ANP32A: variants seen among roughly 807,000 people sequenced by gnomAD.
ANP32A encodes acidic nuclear phosphoprotein 32 family member A.
In ANP32A, 1 loss-of-function variant was observed where a neutral mutation model predicts 33.9. The ratio of observed to expected loss-of-function variants is 0.03; its 90% CI spans 0.01 to 0.14. The LOEUF (loss-of-function observed/expected upper bound fraction) is 0.14. Ranked by LOEUF, ANP32A falls within the 10% of genes least tolerant of loss-of-function variation. The pLI is 1.00. For synonymous variants in ANP32A, 115 were observed against 120.5 expected (o/e 0.95, Z 0.30); for missense variants, 155 against 306.0 (o/e 0.51, Z 3.68).
chr15:68,805,214 A>G (rs554477663), intron 1 of ANP32A, among the ~76,000 whole-genome samples: 2 of 152,336 alleles, frequency 1.3e-5, no homozygotes, highest in East Asian at 3.9e-4. Context: ...GGGGTCCTCC[A>G]GGAAACACTG....
chr15:68,797,654 G>A (rs911961372), intron 1 of ANP32A, among the ~76,000 whole-genome samples: 4 of 152,168 alleles, frequency 2.6e-5, no homozygotes, highest in Non-Finnish European at 4.4e-5. Flanking sequence ...TCCCTGATGT[G>A]CAGCAAAAAT....
At chr15:68,788,174 C>T (rs1473846608) in intron 1 of ANP32A, among the ~76,000 whole-genome samples, 4 of 152,194 alleles carry the variant, frequency 2.6e-5, no homozygotes, top group South Asian at 2.1e-4. Context: ...CAGGGGGCCA[C>T]TCCAGACAGG....
At chr15:68,792,847 T>A (rs1294109698) in intron 1 of ANP32A, among the ~76,000 whole-genome samples, 1 of 152,212 alleles carries the variant, frequency 6.6e-6, no homozygotes, top group East Asian at 1.9e-4. Flanking sequence ...AGAAAGGGGA[T>A]GATGAGATCT....
At chr15:68,797,355 A>G (rs1022394261) in intron 1 of ANP32A, among the ~76,000 whole-genome samples, 13 of 152,102 alleles carry the variant, frequency 8.5e-5, no homozygotes, top group Non-Finnish European at 1.9e-4. Context: ...CACAAACCAC[A>G]GCCGTTCTTG....
At chr15:68,809,645 T>C (rs1894286126) in intron 1 of ANP32A, among the ~76,000 whole-genome samples, 1 of 152,100 alleles carries the variant, frequency 6.6e-6, no homozygotes, top group Non-Finnish European at 1.5e-5. Context: ...GAAGTGTGCA[T>C]CACCCACCCA....
intron 1 of ANP32A, among the ~76,000 whole-genome samples, chr15:68,805,048 C>T (rs946502571): frequency 2.0e-5 from 3 of 152,200 alleles, no homozygotes; most frequent in Admixed American, 6.5e-5. Context: ...TCTGATTTAA[C>T]TGTGGGCTTC....
rs1174301230 is a variant in ANP32A, at chr15:68,787,674, C to T, written c.204+96G>A. 35 of 1,593,054 alleles carry T rather than the reference C, an allele frequency of 2.2e-5. No homozygotes were observed. In the East Asian group the frequency reaches 3.1e-4, roughly 14 times the overall value. On this transcript the variant is annotated intron_variant, in intron 2 of 6. Coordinates refer to ENST00000465139, the MANE Select transcript of ANP32A (RefSeq NM_006305.4). ...TGTCTGGCATGTTGGTGCAAGCACC[C>T]GGCTTTCCCTTCAATTACTCTTTCT...
intron 1 of ANP32A, among the ~76,000 whole-genome samples, chr15:68,796,633 G>A (rs1256436067): frequency 6.6e-6 from 1 of 152,216 alleles, no homozygotes; most frequent in Non-Finnish European, 1.5e-5. Flanking sequence ...GTCCCAGCAG[G>A]TGGTGTGTGA....
chr15:68,818,269 C>A, intron 1 of ANP32A: 1 of 274,302 alleles, frequency 3.6e-6, no homozygotes, highest in Non-Finnish European at 7.7e-6. Flanking sequence ...ATTTCGGCGT[C>A]GCGGCATGGC....
At chr15:68,812,357 A>T (rs1894324786) in intron 1 of ANP32A, among the ~76,000 whole-genome samples, 1 of 152,156 alleles carries the variant, frequency 6.6e-6, no homozygotes, top group African/African-American at 2.4e-5. Flanking sequence ...CCTGGGTGAC[A>T]AGAGTGTGGA....
Position 68,780,581 on chromosome 15 carries a change from G to A in ANP32A, c.625-108C>T. ...CCGGGGTCACCCCCAGCCTCTCAGAGCCCCCACCAAGACTTGACATCTCGG... is the reference window on the plus strand; with the variant it reads ...CCGGGGTCACCCCCAGCCTCTCAGAACCCCCACCAAGACTTGACATCTCGG... On this transcript the variant is annotated intron_variant, in intron 5 of 6. Transcript: ENST00000465139. The surrounding 1 kb of genome is among the most constrained non-coding windows in gnomAD (Gnocchi z 4.3). 1.3e-6 allele frequency: 2 copies of A among 1,515,642 alleles called. No individual in the cohort carries two copies. The highest frequency in any genetic ancestry group is 1.3e-5 in the South Asian group (1 of 76,988). 93.9% of individuals were successfully genotyped at this position (1,515,642 alleles called of 1,614,324 possible). A position where few individuals can be genotyped will look rare whatever the true frequency, so the allele number is the denominator to read the frequency against.
intron 1 of ANP32A, among the ~76,000 whole-genome samples, chr15:68,795,045 C>A (rs1348845041): frequency 1.3e-5 from 2 of 152,186 alleles, no homozygotes; most frequent in Non-Finnish European, 2.9e-5. Context: ...GCCAGAGTCA[C>A]TGTGAGCTGG....
rs561280325 is a variant in ANP32A, at chr15:68,804,564, C to A, written c.54+16134G>T. ...GTGTCTTCCCTTGTTTTCTGAGTCT[C>A]GCTCTGTGGCCAGGCTGGAGTGTAG... On this transcript the variant is annotated intron_variant, in intron 1 of 6. Coordinates refer to ENST00000465139, the MANE Select transcript of ANP32A (RefSeq NM_006305.4). Among the ~76,000 whole-genome samples, 6 of 152,276 alleles carry A rather than the reference C, an allele frequency of 3.9e-5. No individual in the cohort carries two copies. In the East Asian group the frequency reaches 9.6e-4, roughly 24 times the overall value.
At position 68,780,169 on chromosome 15, in the gene ANP32A, G is replaced by A. The variant is rs1193488875; in HGVS notation, c.689-27C>T. Reference sequence around the variant, plus strand: ...TGGAAAAGTAAGAAAGCGGCATTTAGATTAGTTATTAATCCCACCTCTTTA... The same window carrying A: ...TGGAAAAGTAAGAAAGCGGCATTTAAATTAGTTATTAATCCCACCTCTTTA... On this transcript the variant is annotated intron_variant, in intron 6 of 6. Transcript: ENST00000465139. The surrounding 1 kb of genome is among the most constrained non-coding windows in gnomAD (Gnocchi z 4.3). The A allele has an allele frequency of 2.5e-6, 4 of 1,613,176 alleles. No homozygotes were observed. Among genetic ancestry groups the A allele is most frequent in the Middle Eastern group, 1.7e-4 (1 of 6,052 alleles).
intron 5 of ANP32A, 198 bp downstream of exon 5, chr15:68,782,758 C>G (rs1347548542): frequency 1.0e-6 from 1 of 975,872 alleles, no homozygotes; most frequent in Non-Finnish European, 1.5e-6. Context: ...TCTAATCCAG[C>G]CTCCCCAGAG....
At chr15:68,812,155 T>C (rs1304639661) in intron 1 of ANP32A, among the ~76,000 whole-genome samples, 6 of 152,218 alleles carry the variant, frequency 3.9e-5, no homozygotes, top group African/African-American at 7.2e-5. Context: ...CAGGCACTAT[T>C]ACAACCTCAT....
chr15:68,801,085 C>T (rs1894128668), intron 1 of ANP32A, among the ~76,000 whole-genome samples: 1 of 152,006 alleles, frequency 6.6e-6, no homozygotes, highest in South Asian at 2.1e-4. Flanking sequence ...ATTCCACATG[C>T]AACTGGTGGT....
intron 1 of ANP32A, among the ~76,000 whole-genome samples, chr15:68,820,313 C>T (rs958839990): frequency 5.3e-5 from 8 of 152,188 alleles, no homozygotes; most frequent in Admixed American, 5.2e-4. Context: ...TCCTCCTCCT[C>T]CCTCGTTAAT....
intron 1 of ANP32A, among the ~76,000 whole-genome samples, chr15:68,808,523 T>C (rs1444523367): frequency 1.3e-5 from 2 of 152,222 alleles, no homozygotes; most frequent in Non-Finnish European, 2.9e-5. Context: ...ACATAGCATT[T>C]ATACAACTCC....
Sources: allele counts gnomAD v4.1 joint callset (sites outside exome capture counted in the v4.1 genomes callset), GRCh38; gene constraint gnomAD v4.1.1; non-coding constraint Gnocchi (gnomAD v3.1); transcripts MANE v1.5; gene names NCBI Gene and HGNC (gene_info 2026-07-23, HGNC 2026-07-21).